The following TAFA5 variants were observed in gnomAD, a reference collection of about 807,000 sequenced individuals.
TAFA5 encodes the protein chemokine-like protein TAFA-5.
TAFA5 carries 6 observed loss-of-function variants against 15.3 expected under a neutral mutation model. The ratio of observed to expected loss-of-function variants is 0.39; its 90% confidence interval spans 0.21 to 0.77. The LOEUF (loss-of-function observed/expected upper bound fraction) is 0.77. Ranked by LOEUF, TAFA5 falls within the 30% of genes least tolerant of loss-of-function variation. The pLI is 0.41. For missense variants in TAFA5, 161 were observed against 193.1 expected, an observed-to-expected ratio of 0.83 and a Z score of 0.98; for synonymous variants, 103 against 80.7, an observed-to-expected ratio of 1.28 and a Z score of -1.48.
chr22:48,630,771 G>C (rs908137205), intron 1 of TAFA5, among the ~76,000 whole-genome samples: 5 of 150,018 alleles, frequency 3.3e-5, no homozygotes, highest in Admixed American at 6.6e-5. Context: ...GGCTCCAGGC[G>C]CTGGGGAAGG....
chr22:48,627,320 C>A (rs923218999), intron 1 of TAFA5, among the ~76,000 whole-genome samples: 2 of 152,240 alleles, frequency 1.3e-5, no homozygotes, highest in Admixed American at 1.3e-4. Context: ...CCGTCACTGT[C>A]CCCGGAGCCA....
At chr22:48,543,239 C>T (rs1009010543) in intron 1 of TAFA5, 1 of 152,146 alleles carries the variant, frequency 6.6e-6, no homozygotes, top group Non-Finnish European at 1.5e-5. Flanking sequence ...ACCAATCAGC[C>T]AGGCCGCTCC....
At chr22:48,739,463 A>G (rs1180479686) in intron 3 of TAFA5, among the ~76,000 whole-genome samples, 1 of 152,148 alleles carries the variant, frequency 6.6e-6, no homozygotes, top group Non-Finnish European at 1.5e-5. Context: ...CATGGCACAG[A>G]AGGGCTGCAT....
At chr22:48,629,655 A>T (rs1926143468) in intron 1 of TAFA5, among the ~76,000 whole-genome samples, 1 of 152,154 alleles carries the variant, frequency 6.6e-6, no homozygotes, top group South Asian at 2.1e-4. Flanking sequence ...ACATTTGATG[A>T]TGTCTGGGGA....
chr22:48,749,899 C>G lies in TAFA5; in HGVS notation c.*52C>G. The G allele has an allele frequency of 6.6e-7, 1 of 1,522,454 alleles. No individual in the cohort carries two copies. The highest frequency in any genetic ancestry group is 2.0e-5 in the Admixed American group (1 of 51,110). 94.3% of individuals were successfully genotyped at this position (1,522,454 alleles called of 1,614,324 possible). A position where few individuals can be genotyped will look rare whatever the true frequency, so the allele number is the denominator to read the frequency against. On this transcript the variant is annotated 3_prime_UTR_variant, in exon 4 of 4. Transcript: ENST00000402357. ...GAGTGGCCTTGGCTCCCTGGAGAGC[C>G]CACGTCTCAGCCACAGTTCTCCACT...
At position 48,582,997 on chromosome 22, in the gene TAFA5, A is replaced by C. The variant is rs538223427; in HGVS notation, c.113-63600A>C. 7.2e-3 allele frequency among the ~76,000 whole-genome samples: 617 copies of C among 85,346 alleles called. 4 individuals carry two copies. The highest frequency in any genetic ancestry group is 0.023 in the African/African-American group (506 of 21,852). 56.0% of individuals were successfully genotyped at this position (85,346 alleles called of 152,430 possible). On this transcript the variant is annotated intron_variant, in intron 1 of 3. Coordinates refer to ENST00000402357, the MANE Select transcript of TAFA5 (RefSeq NM_001082967.3). ...CACAAAATACACCACACACAAAATA[A>C]ACCACACACAAAATACACCACACAC...
chr22:48,546,889 G>T, intron 1 of TAFA5: 1 of 252,732 alleles, frequency 4.0e-6, no homozygotes, highest in Non-Finnish European at 8.0e-6. Flanking sequence ...ACTACCGACT[G>T]TCTTGACTCC....
chr22:48,583,795 C>T (rs1194192569), intron 1 of TAFA5, among the ~76,000 whole-genome samples: 1 of 151,136 alleles, frequency 6.6e-6, no homozygotes, highest in African/African-American at 2.4e-5. Context: ...ACATACCACA[C>T]AGCACACAAC....
At chr22:48,621,744 G>A (rs573708955) in intron 1 of TAFA5, among the ~76,000 whole-genome samples, 2 of 152,282 alleles carry the variant, frequency 1.3e-5, no homozygotes, top group South Asian at 4.2e-4. Context: ...TTCGTCCTGA[G>A]ACCTTGCAAA....
chr22:48,737,252 C>G (rs555792563), intron 3 of TAFA5, among the ~76,000 whole-genome samples: 2 of 152,360 alleles, frequency 1.3e-5, no homozygotes, highest in South Asian at 4.1e-4. Flanking sequence ...GGACAAAGAC[C>G]ATGAGACAGG....
intron 3 of TAFA5, among the ~76,000 whole-genome samples, chr22:48,714,162 C>T (rs529014362): frequency 2.6e-5 from 4 of 152,224 alleles, no homozygotes; most frequent in African/African-American, 4.8e-5. Context: ...AGACAGCAGA[C>T]GCTTTTGCAC....
At position 48,703,081 on chromosome 22, in the gene TAFA5, GTGTGTGCA is replaced by G. The variant is rs534476989; in HGVS notation, c.263-4628_263-4621del. Among the ~76,000 whole-genome samples the G allele has an allele frequency of 5.9e-3, 894 of 152,158 alleles. 2 individuals are homozygous for G. Among genetic ancestry groups the G allele is most frequent in the Non-Finnish European group, 0.01 (681 of 68,004 alleles). ...TGTGCATGCATGTGTGTGCGTGAAC[GTGTGTGCA>G]TGTGTGCGTGTGTGCTGCACCTATA... On this transcript the variant is annotated intron_variant, in intron 2 of 3. Transcript: ENST00000402357.
intron 1 of TAFA5, among the ~76,000 whole-genome samples, chr22:48,502,277 G>A (rs1462225585): frequency 2.6e-5 from 4 of 152,172 alleles, no homozygotes; most frequent in Admixed American, 1.3e-4. Context: ...CATACAATGG[G>A]ATTGGACTGG....
At chr22:48,710,699 A>G (rs548034030) in intron 3 of TAFA5, among the ~76,000 whole-genome samples, 106 of 152,214 alleles carry the variant, frequency 7.0e-4, no homozygotes, top group Admixed American at 2.9e-3. Flanking sequence ...CATTTGAGGC[A>G]GAGGCTGACC....
intron 1 of TAFA5, among the ~76,000 whole-genome samples, chr22:48,582,981 C>A (rs1424527161): frequency 3.4e-5 from 5 of 147,552 alleles, no homozygotes; most frequent in Admixed American, 6.7e-5. Context: ...ACACAAAATA[C>A]ACCACACACA....
chr22:48,666,604 T>TGGGCTGGCTG (rs1211724129), intron 2 of TAFA5, among the ~76,000 whole-genome samples: 1 of 52,504 alleles, frequency 1.9e-5, no homozygotes, highest in African/African-American at 8.4e-5. Context: ...CCAGCCAGCA[T>TGGGCTGGCTG]CCACAGTGTA....
chr22:48,531,204 G>A (rs945298457), intron 1 of TAFA5, among the ~76,000 whole-genome samples: 4 of 152,096 alleles, frequency 2.6e-5, no homozygotes, highest in East Asian at 1.9e-4. Context: ...CAACCCTTTC[G>A]GCCTTGCATG....
At chr22:48,631,304 T>C (rs944431260) in intron 1 of TAFA5, among the ~76,000 whole-genome samples, 13 of 152,146 alleles carry the variant, frequency 8.5e-5, no homozygotes, top group South Asian at 8.3e-4. Flanking sequence ...CGGTCCCTGG[T>C]GGGCAGCCCC....
chr22:48,556,593 G>T (rs1923047738), intron 1 of TAFA5, among the ~76,000 whole-genome samples: 1 of 152,252 alleles, frequency 6.6e-6, no homozygotes, highest in South Asian at 2.1e-4. Context: ...AGGCGCTGGG[G>T]CAGCAGGGGA....
Sources: allele counts gnomAD v4.1 joint callset (sites outside exome capture counted in the v4.1 genomes callset), GRCh38; gene constraint gnomAD v4.1.1; transcripts MANE v1.5; gene names NCBI Gene and HGNC (gene_info 2026-07-23, HGNC 2026-07-21).